CDYL: variants seen among roughly 807,000 people sequenced by gnomAD.
CDYL encodes chromodomain Y-like protein.
Under a neutral mutation model 47.3 loss-of-function variants are expected in CDYL, and 8 were observed. That is an observed-to-expected ratio of 0.17 (90% CI 0.10 to 0.31). The LOEUF (loss-of-function observed/expected upper bound fraction) is 0.31. Among genes scored for constraint, CDYL ranks in the 10% least tolerant of loss-of-function variants. The pLI is 1.00. For missense variants in CDYL, 471 were observed against 701.4 expected (o/e 0.67, Z 3.71); for synonymous variants, 266 against 265.0 (o/e 1.00, Z -0.04).
intron 3 of CDYL, among the ~76,000 whole-genome samples, chr6:4,755,278 C>T (rs1758058461): frequency 6.6e-6 from 1 of 151,656 alleles, no homozygotes. Context: ...CCCCTGTTGG[C>T]CAGGCTGGTC....
At chr6:4,795,739 C>T (rs1209022418) in intron 1 of CDYL, among the ~76,000 whole-genome samples, 9 of 149,984 alleles carry the variant, frequency 6.0e-5, no homozygotes, top group Admixed American at 2.0e-4. Flanking sequence ...GTTTTTGTCT[C>T]GGTTCTTTCT....
chr6:4,784,011 A>G (rs1301037219), intron 1 of CDYL, among the ~76,000 whole-genome samples: 1 of 151,650 alleles, frequency 6.6e-6, no homozygotes, highest in African/African-American at 2.4e-5. Context: ...TTTGTCTTTT[A>G]CCTTTTCATT....
At chr6:4,952,234 A>G (rs773597000) in intron 5 of CDYL, 32 bp from the exon 6 acceptor site, 25 of 1,603,146 alleles carry the variant, frequency 1.6e-5, no homozygotes, top group Non-Finnish European at 2.1e-5. Flanking sequence ...TCCCACCGCA[A>G]TTCATATTAC....
At chr6:4,908,665 C>T (rs1291856714) in intron 2 of CDYL, among the ~76,000 whole-genome samples, 1 of 152,150 alleles carries the variant, frequency 6.6e-6, no homozygotes, top group East Asian at 1.9e-4. Context: ...TCTGAGCTTA[C>T]GTCTCTCTTT....
chr6:4,858,096 T>G (rs558651553), intron 1 of CDYL, among the ~76,000 whole-genome samples: 24 of 151,978 alleles, frequency 1.6e-4, no homozygotes, highest in Non-Finnish European at 2.6e-4. Context: ...AAATTGTGCT[T>G]ATTTCTGAAT....
intron 1 of CDYL, among the ~76,000 whole-genome samples, chr6:4,710,767 C>A (rs1181346811): frequency 6.6e-6 from 1 of 152,146 alleles, no homozygotes; most frequent in African/African-American, 2.4e-5. Flanking sequence ...ACCATCCTTC[C>A]AAGCTATTCC....
chr6:4,794,516 CG>C (rs1302435825), intron 1 of CDYL, among the ~76,000 whole-genome samples: 1 of 151,928 alleles, frequency 6.6e-6, no homozygotes, highest in Admixed American at 6.6e-5. Context: ...GGGCAGGCTC[CG>C]GGGTTTGTTT....
At chr6:4,753,737 T>C (rs912265293) in intron 3 of CDYL, among the ~76,000 whole-genome samples, 1 of 152,228 alleles carries the variant, frequency 6.6e-6, no homozygotes, top group African/African-American at 2.4e-5. Context: ...TTCCTCTTTA[T>C]GAGGACTCAC....
Position 4,954,205 on chromosome 6 carries a change from T to A in CDYL, c.*149T>A. 2 of 702,488 alleles carry A rather than the reference T, an allele frequency of 2.8e-6. No homozygotes were observed. Among genetic ancestry groups the A allele is most frequent in the Non-Finnish European group, 4.4e-6 (2 of 449,940 alleles). The allele number at this position is 702,488 out of a possible 1,614,324, so 43.5% of individuals were successfully genotyped here. A position where few individuals can be genotyped will look rare whatever the true frequency, so the allele number is the denominator to read the frequency against. ...GGACTGGGAACATCCACGCTATTTA[T>A]TATCGAGGAGTTTTAAAGTACTGTA... is the stretch of plus-strand genomic sequence containing the variant. On this transcript the variant is annotated 3_prime_UTR_variant, in exon 7 of 7. Coordinates refer to ENST00000397588, the MANE Select transcript of CDYL (RefSeq NM_004824.4).
intron 2 of CDYL, among the ~76,000 whole-genome samples, chr6:4,721,882 A>T (rs1757377115): frequency 6.6e-6 from 1 of 150,422 alleles, no homozygotes; most frequent in Admixed American, 6.6e-5. Flanking sequence ...TTTTTTTTTT[A>T]GATGGAGTCT....
intron 3 of CDYL, among the ~76,000 whole-genome samples, chr6:4,737,492 A>C (rs1170341769): frequency 1.3e-5 from 2 of 152,146 alleles, no homozygotes; most frequent in East Asian, 3.9e-4. Context: ...GTGTCTACTA[A>C]AAATACAAAA....
chr6:4,940,249 T>C (rs568969823), intron 4 of CDYL, among the ~76,000 whole-genome samples: 2 of 152,382 alleles, frequency 1.3e-5, no homozygotes, highest in Admixed American at 1.3e-4. Context: ...ACCAACTTGT[T>C]TCTTCTTTAT....
intron 1 of CDYL, among the ~76,000 whole-genome samples, chr6:4,819,154 CTCTCTCTCTGTGTGTG>C (rs1457882749): frequency 5.8e-5 from 8 of 137,612 alleles, no homozygotes; most frequent in African/African-American, 2.2e-4. Flanking sequence ...CTCTCTCTCT[CTCTCTCTCTGTGTGTG>C]TGTGTGTGTG....
intron 1 of CDYL, among the ~76,000 whole-genome samples, chr6:4,709,569 C>T (rs1757113089): frequency 6.6e-6 from 1 of 152,158 alleles, no homozygotes; most frequent in Admixed American, 6.5e-5. Flanking sequence ...CCCCACCTCC[C>T]CTGCCAAAAA....
At chr6:4,820,796 A>G (rs945039182) in intron 1 of CDYL, among the ~76,000 whole-genome samples, 19 of 152,216 alleles carry the variant, frequency 1.2e-4, no homozygotes, top group African/African-American at 3.9e-4. Context: ...CAGTCCTGCA[A>G]AACGCCTGTG....
chr6:4,892,594 G>A (rs575676232), intron 2 of CDYL, among the ~76,000 whole-genome samples: 1 of 150,664 alleles, frequency 6.6e-6, no homozygotes, highest in Non-Finnish European at 1.5e-5. Context: ...GCCATCCACA[G>A]ACTGTGCTAC....
At chr6:4,870,731 TG>T (rs1200588512) in intron 1 of CDYL, among the ~76,000 whole-genome samples, 4 of 152,204 alleles carry the variant, frequency 2.6e-5, no homozygotes, top group African/African-American at 4.8e-5. Flanking sequence ...TAAGTTCTGT[TG>T]ATCTCTCAAA....
At chr6:4,909,732 G>C (rs980743953) in intron 2 of CDYL, among the ~76,000 whole-genome samples, 1 of 151,652 alleles carries the variant, frequency 6.6e-6, no homozygotes, top group East Asian at 1.9e-4. Flanking sequence ...CACCACGCCT[G>C]GCTATTTTTT....
chr6:4,849,331 G>A (rs1242502402), intron 1 of CDYL, among the ~76,000 whole-genome samples: 1 of 152,212 alleles, frequency 6.6e-6, no homozygotes, highest in African/African-American at 2.4e-5. Context: ...CATGAAAACA[G>A]ATAGTACTGA....
Sources: gnomAD v4.1 joint callset for allele counts (sites outside exome capture counted in the v4.1 genomes callset) on GRCh38, gnomAD v4.1.1 for gene constraint, MANE v1.5 for transcripts, NCBI Gene and HGNC (gene_info 2026-07-23, HGNC 2026-07-21) for gene names.